The following COMMD1 variants were observed in gnomAD, a reference collection of about 807,000 sequenced individuals.
COMMD1 encodes the protein COMM domain-containing protein 1.
COMMD1 carries 10 observed loss-of-function variants against 17.2 expected under a neutral mutation model. The observed-to-expected ratio is 0.58, with a 90% CI of 0.36 to 0.99. COMMD1 has a LOEUF of 0.99. Ranked by LOEUF, COMMD1 falls within the 50% of genes least tolerant of loss-of-function variation. The pLI, the probability that COMMD1 is intolerant of heterozygous loss-of-function variation, is 0.01. For missense variants in COMMD1, 270 were observed against 231.8 expected, an observed-to-expected ratio of 1.17 and a Z score of -1.07; for synonymous variants, 97 against 91.6, an observed-to-expected ratio of 1.06 and a Z score of -0.34.
chr2:61,961,593 T>A lies in COMMD1; in HGVS notation c.181-39108T>A, dbSNP rs553757708. Among the ~76,000 whole-genome samples, 21 of 152,334 alleles carry A rather than the reference T, an allele frequency of 1.4e-4. 1 individual carries two copies. In the South Asian group the frequency reaches 4.4e-3, roughly 32 times the overall value. On this transcript the variant is annotated intron_variant, in intron 1 of 2. Coordinates refer to ENST00000311832, the MANE Select transcript of COMMD1 (RefSeq NM_152516.4). ...AAAGAAGTTTCCCATTTCTCACAAT[T>A]CTGAGAAATCTTTTTGTATAATTTA...
intron 1 of COMMD1, among the ~76,000 whole-genome samples, chr2:61,916,765 GA>G (rs1267672653): frequency 6.6e-6 from 1 of 152,024 alleles, no homozygotes; most frequent in East Asian, 1.9e-4. Flanking sequence ...TCTCAACTGT[GA>G]TTTTAAAATG....
chr2:62,074,232 C>T (rs1469757459), intron 2 of COMMD1, among the ~76,000 whole-genome samples: 1 of 152,182 alleles, frequency 6.6e-6, no homozygotes, highest in Admixed American at 6.5e-5. Context: ...GATTTCATTA[C>T]ATAGGCATGA....
intron 1 of COMMD1, among the ~76,000 whole-genome samples, chr2:61,966,078 G>C (rs1488802008): frequency 6.6e-6 from 1 of 152,158 alleles, no homozygotes; most frequent in Non-Finnish European, 1.5e-5. Flanking sequence ...TTGAAATTGT[G>C]AATGTTCAAT....
At chr2:61,996,853 C>T (rs753595188) in intron 1 of COMMD1, among the ~76,000 whole-genome samples, 3 of 152,134 alleles carry the variant, frequency 2.0e-5, no homozygotes, top group African/African-American at 7.2e-5. Context: ...TTGGACTCCT[C>T]GAAGTCATCC....
intron 1 of COMMD1, among the ~76,000 whole-genome samples, chr2:61,999,090 A>G (rs1015990797): frequency 1.9e-4 from 29 of 152,340 alleles, no homozygotes; most frequent in Admixed American, 1.3e-3. Context: ...AAATGGCACC[A>G]ATAGACTTGC....
intron 1 of COMMD1, among the ~76,000 whole-genome samples, chr2:61,942,608 T>C (rs960397011): frequency 6.7e-6 from 1 of 150,364 alleles, no homozygotes; most frequent in Admixed American, 6.7e-5. Flanking sequence ...GGTGTGATCT[T>C]GGCTCATTGC....
intron 1 of COMMD1, chr2:61,915,897 C>T (rs1042314751): frequency 2.1e-5 from 5 of 240,564 alleles, no homozygotes; most frequent in African/African-American, 4.7e-5. Context: ...GTTTTCAACT[C>T]CTGGGCTCAA....
intron 1 of COMMD1, among the ~76,000 whole-genome samples, chr2:61,892,326 T>G (rs868835603): frequency 6.6e-6 from 1 of 152,088 alleles, no homozygotes; most frequent in Non-Finnish European, 1.5e-5. Context: ...AAGGTTCTCT[T>G]TAGAATGAAT....
intron 1 of COMMD1, among the ~76,000 whole-genome samples, chr2:61,958,454 A>T (rs1310610571): frequency 6.6e-6 from 1 of 152,002 alleles, no homozygotes; most frequent in Non-Finnish European, 1.5e-5. Context: ...TTTAGTAGAG[A>T]CAAAGTTTCA....
chr2:62,103,282 C>A (rs1032464049), intron 2 of COMMD1, among the ~76,000 whole-genome samples: 2 of 152,104 alleles, frequency 1.3e-5, no homozygotes, highest in African/African-American at 2.4e-5. Flanking sequence ...GGCCTCCAAT[C>A]GTATTTCTAT....
rs568730580 is a variant in COMMD1 at position 61,941,116 on chromosome 2, C to T, written c.180+35258C>T. On this transcript the variant is annotated intron_variant, in intron 1 of 2. Transcript: ENST00000311832. Reference sequence around the variant, plus strand: ...GATCTTGGCTCACTGCAACCTCCGACTCCCGGGTTCAAGCAATTCTCCTGC... The same window carrying T: ...GATCTTGGCTCACTGCAACCTCCGATTCCCGGGTTCAAGCAATTCTCCTGC... Among the ~76,000 whole-genome samples, 9 of 152,108 alleles carry T rather than the reference C, an allele frequency of 5.9e-5. No individual in the cohort carries two copies. The South Asian group carries it at 1.7e-3, about 28-fold the overall frequency.
chr2:62,097,440 C>T (rs1672043225), intron 2 of COMMD1, among the ~76,000 whole-genome samples: 1 of 152,080 alleles, frequency 6.6e-6, no homozygotes, highest in Non-Finnish European at 1.5e-5. Flanking sequence ...GAGTCTGGTA[C>T]CTTAGGTAAG....
chr2:62,088,896 G>C (rs1671745913), intron 2 of COMMD1, among the ~76,000 whole-genome samples: 1 of 152,224 alleles, frequency 6.6e-6, no homozygotes, highest in South Asian at 2.1e-4. Flanking sequence ...ATACATTTAA[G>C]AAATACATTG....
At chr2:62,062,234 G>GT (rs59671101) in intron 2 of COMMD1, among the ~76,000 whole-genome samples, 11,498 of 147,510 alleles carry the variant, frequency 0.078, 1,038 homozygotes, top group African/African-American at 0.22. Flanking sequence ...TTGTTTTTTT[G>GT]TTTTTTTTTG....
chr2:62,033,416 G>C (rs914580157), intron 2 of COMMD1, among the ~76,000 whole-genome samples: 1 of 152,104 alleles, frequency 6.6e-6, no homozygotes, highest in Non-Finnish European at 1.5e-5. Flanking sequence ...GTTGAATTAG[G>C]ATAGCCTTGG....
chr2:62,030,144 G>A (rs533143109), intron 2 of COMMD1, among the ~76,000 whole-genome samples: 1 of 152,346 alleles, frequency 6.6e-6, no homozygotes, highest in South Asian at 2.1e-4. Context: ...TCGTCCTTCT[G>A]GGTGTGGGCA....
At chr2:62,006,768 C>T (rs939532299) in intron 2 of COMMD1, among the ~76,000 whole-genome samples, 1 of 152,130 alleles carries the variant, frequency 6.6e-6, no homozygotes, top group African/African-American at 2.4e-5. Context: ...TATATTTATT[C>T]ACCTAACACC....
rs182298749 is a variant in COMMD1 at position 61,993,581 on chromosome 2, A to G, written c.181-7120A>G. Among the ~76,000 whole-genome samples, 38 of 152,370 alleles carry G rather than the reference A, an allele frequency of 2.5e-4. No homozygotes were observed. The East Asian group carries it at 4.8e-3, about 19-fold the overall frequency. ...TGATTCAAGATGTGGAAGAGAGAGA[A>G]GAATAAAGGATGAGTACCAGGCTGT... On this transcript the variant is annotated intron_variant, in intron 1 of 2. Coordinates refer to ENST00000311832, the MANE Select transcript of COMMD1 (RefSeq NM_152516.4).
chr2:62,064,862 T>A (rs936168058), intron 2 of COMMD1, among the ~76,000 whole-genome samples: 21 of 152,322 alleles, frequency 1.4e-4, no homozygotes, highest in African/African-American at 4.8e-4. Context: ...TATCAATATT[T>A]GGCATCATAA....
Sources: gnomAD v4.1 joint callset for allele counts (sites outside exome capture counted in the v4.1 genomes callset) on GRCh38, gnomAD v4.1.1 for gene constraint, MANE v1.5 for transcripts, NCBI Gene and HGNC (gene_info 2026-07-23, HGNC 2026-07-21) for gene names.